PPARG: variants seen among roughly 807,000 people sequenced by gnomAD.
The protein encoded by PPARG is peroxisome proliferator-activated receptor gamma.
In PPARG, 17 loss-of-function variants were observed where a neutral mutation model predicts 39.2. That is an observed-to-expected ratio of 0.43 (90% CI 0.30 to 0.65). PPARG has a LOEUF of 0.65. Among genes scored for constraint, PPARG ranks in the 30% least tolerant of loss-of-function variants. The pLI is 0.13. For synonymous variants in PPARG, 223 were observed against 215.7 expected (o/e 1.03, Z -0.30); for missense variants, 406 against 585.9 (o/e 0.69, Z 3.17).
intron 6 of PPARG, among the ~76,000 whole-genome samples, chr3:12,409,118 T>C (rs1176586626): frequency 2.0e-5 from 3 of 152,226 alleles, no homozygotes; most frequent in Non-Finnish European, 2.9e-5. Flanking sequence ...GTCTTGCCCC[T>C]AATAGTTACT....
chr3:12,351,580 A>C (rs748929397), intron 2 of PPARG: 12 of 1,582,634 alleles, frequency 7.6e-6, no homozygotes, highest in African/African-American at 4.0e-5. Flanking sequence ...GCAAACCCCT[A>C]TTCCATGCTG....
intron 2 of PPARG, among the ~76,000 whole-genome samples, chr3:12,354,296 G>T (rs1030818198): frequency 1.3e-5 from 2 of 152,080 alleles, no homozygotes; most frequent in Non-Finnish European, 2.9e-5. Flanking sequence ...TTCTTCTCTG[G>T]CCTTCTGTTT....
intron 2 of PPARG, among the ~76,000 whole-genome samples, chr3:12,360,550 A>G (rs2048810710): frequency 1.4e-5 from 2 of 146,026 alleles, no homozygotes; most frequent in African/African-American, 5.1e-5. Context: ...ACAAGTGAAC[A>G]TACTTGCGAA....
At chr3:12,351,223 GTC>G (rs1331988369) in intron 2 of PPARG, among the ~76,000 whole-genome samples, 1 of 152,184 alleles carries the variant, frequency 6.6e-6, no homozygotes, top group Non-Finnish European at 1.5e-5. Context: ...ATATTGAACA[GTC>G]TCTGCTCTGA....
At chr3:12,348,488 G>C (rs557858796) in intron 2 of PPARG, among the ~76,000 whole-genome samples, 1 of 152,318 alleles carries the variant, frequency 6.6e-6, no homozygotes, top group South Asian at 2.1e-4. Flanking sequence ...AACTGGGGTA[G>C]AGTTAAGTTT....
At chr3:12,372,823 C>G (rs1478987614) in intron 2 of PPARG, among the ~76,000 whole-genome samples, 2 of 152,142 alleles carry the variant, frequency 1.3e-5, no homozygotes, top group Non-Finnish European at 2.9e-5. Flanking sequence ...TGTGAAAAGT[C>G]TGCGCATTGA....
intron 1 of PPARG, among the ~76,000 whole-genome samples, chr3:12,296,327 G>C (rs538510441): frequency 6.6e-6 from 1 of 151,540 alleles, no homozygotes; most frequent in East Asian, 1.9e-4. Context: ...GTGGTCCTGG[G>C]ATCGTGAGCA....
intron 2 of PPARG, among the ~76,000 whole-genome samples, chr3:12,345,919 A>G (rs1559501492): frequency 6.6e-6 from 1 of 152,200 alleles, no homozygotes; most frequent in Non-Finnish European, 1.5e-5. Flanking sequence ...AAAAAGATAC[A>G]TGTTTTAGAG....
chr3:12,383,868 A>C (rs2049774637), intron 4 of PPARG, among the ~76,000 whole-genome samples: 1 of 152,084 alleles, frequency 6.6e-6, no homozygotes, highest in East Asian at 1.9e-4. Flanking sequence ...GAGAGGAGGA[A>C]ATCCAAGTGC....
chr3:12,370,482 C>G (rs2049171862), intron 2 of PPARG, among the ~76,000 whole-genome samples: 1 of 152,074 alleles, frequency 6.6e-6, no homozygotes, highest in South Asian at 2.1e-4. Flanking sequence ...GAATACGTTT[C>G]AAGTACATGT....
At chr3:12,287,776 C>T (rs2046538783), upstream of PPARG, 1 of 145,744 alleles carries the variant, frequency 6.9e-6, no homozygotes, top group Non-Finnish European at 1.5e-5. Context: ...CCGCTCCCTC[C>T]CAGTCGCGCG....
chr3:12,427,613 G>GCCT (rs1407191080), intron 7 of PPARG, among the ~76,000 whole-genome samples: 14 of 152,248 alleles, frequency 9.2e-5, no homozygotes, highest in African/African-American at 3.1e-4. Flanking sequence ...TGAAAACTAA[G>GCCT]CCTAAACCCA....
intron 2 of PPARG, among the ~76,000 whole-genome samples, chr3:12,323,706 C>T (rs1270665767): frequency 6.6e-5 from 10 of 151,624 alleles, no homozygotes; most frequent in African/African-American, 2.4e-4. Context: ...CCCCCAAGCC[C>T]ACATATTTTT....
chr3:12,429,491 G>A (rs1450199178), intron 7 of PPARG, among the ~76,000 whole-genome samples: 1 of 146,932 alleles, frequency 6.8e-6, no homozygotes, highest in African/African-American at 2.6e-5. Context: ...GCTGAGGAGG[G>A]CAAATCTCTT....
At chr3:12,303,369 A>T (rs777646691) in intron 1 of PPARG, among the ~76,000 whole-genome samples, 287 of 152,098 alleles carry the variant, frequency 1.9e-3, no homozygotes, top group Non-Finnish European at 3.3e-3. Context: ...GCTAGTTTTT[A>T]AAAGTATTTT....
chr3:12,348,454 C>T (rs374968512), intron 2 of PPARG, among the ~76,000 whole-genome samples: 8 of 152,118 alleles, frequency 5.3e-5, no homozygotes, highest in East Asian at 3.9e-4. Flanking sequence ...TAATACCAAG[C>T]GGTCAATTTT....
At chr3:12,343,405 A>G (rs2125074614) in intron 2 of PPARG, among the ~76,000 whole-genome samples, 1 of 152,244 alleles carries the variant, frequency 6.6e-6, no homozygotes, top group African/African-American at 2.4e-5. Flanking sequence ...TCATCTCTGA[A>G]TATCTTTCGC....
At chr3:12,398,613 T>G (rs1156549400) in intron 5 of PPARG, among the ~76,000 whole-genome samples, 1 of 152,070 alleles carries the variant, frequency 6.6e-6, no homozygotes, top group Non-Finnish European at 1.5e-5. Flanking sequence ...GAATACAAGC[T>G]AAGGGAGAGG....
At chr3:12,403,803 A>G (rs1294926223) in intron 5 of PPARG, among the ~76,000 whole-genome samples, 1 of 152,228 alleles carries the variant, frequency 6.6e-6, no homozygotes, top group African/African-American at 2.4e-5. Flanking sequence ...GAGGATTTTG[A>G]AGGAATATGC....
Sources: allele counts gnomAD v4.1 joint callset (sites outside exome capture counted in the v4.1 genomes callset), GRCh38; gene constraint gnomAD v4.1.1; transcripts MANE v1.5; gene names NCBI Gene and HGNC (gene_info 2026-07-23, HGNC 2026-07-21).